The following CARMIL1 variants were observed in gnomAD, a reference collection of about 807,000 sequenced individuals.
CARMIL1 encodes F-actin-uncapping protein LRRC16A.
A neutral mutation model predicts 177.1 loss-of-function variants in CARMIL1; 90 were observed. That is an observed-to-expected ratio of 0.51 (90% confidence interval 0.43 to 0.61). CARMIL1 has a LOEUF of 0.61. Ranked by LOEUF, CARMIL1 falls within the 20% of genes least tolerant of loss-of-function variation. The pLI is 0.00. For missense variants in CARMIL1, 1,380 were observed against 1,667.0 expected (o/e 0.83, Z 3.00); for synonymous variants, 577 against 606.2 (o/e 0.95, Z 0.71).
chr6:25,322,193 G>A (rs1487027362), intron 2 of CARMIL1, among the ~76,000 whole-genome samples: 1 of 152,196 alleles, frequency 6.6e-6, no homozygotes, highest in Non-Finnish European at 1.5e-5. Flanking sequence ...CACTATCTCA[G>A]CTCACTGCAA....
chr6:25,442,083 A>G (rs1340399271), intron 5 of CARMIL1, among the ~76,000 whole-genome samples: 1 of 152,056 alleles, frequency 6.6e-6, no homozygotes, highest in Non-Finnish European at 1.5e-5. Context: ...GGCTTGCAGC[A>G]TTAAAGCATG....
chr6:25,389,904 T>C (rs958705920), intron 2 of CARMIL1, among the ~76,000 whole-genome samples: 2 of 152,226 alleles, frequency 1.3e-5, no homozygotes, highest in East Asian at 1.9e-4. Context: ...TGTTGAACTA[T>C]GTGCTAGGAA....
chr6:25,459,253 T>C (rs531957394), intron 8 of CARMIL1, among the ~76,000 whole-genome samples: 18 of 117,692 alleles, frequency 1.5e-4, no homozygotes, highest in South Asian at 3.0e-4. Context: ...TTTCTTTCTT[T>C]CTTTCTTTCT....
intron 8 of CARMIL1, among the ~76,000 whole-genome samples, chr6:25,451,614 T>C (rs1331416697): frequency 6.6e-6 from 1 of 152,204 alleles, no homozygotes; most frequent in East Asian, 1.9e-4. Context: ...TTTTTCCCCA[T>C]GTCTCTTAGC....
rs573807141 is a variant in CARMIL1 at position 25,314,011 on chromosome 6, T to TA, written c.138+29105dup. ...TCTTTGTAGTCAGTCTTTTTCTAATTAAAGTGGGTAAGACATTTGAATATA... is the reference window on the plus strand; with the variant it reads ...TCTTTGTAGTCAGTCTTTTTCTAATTAAAAGTGGGTAAGACATTTGAATATA... On this transcript the variant is annotated intron_variant, in intron 2 of 36. Coordinates refer to ENST00000329474, the MANE Select transcript of CARMIL1 (RefSeq NM_017640.6). Among the ~76,000 whole-genome samples, 39 of 151,466 alleles carry TA rather than the reference T, an allele frequency of 2.6e-4. No individual in the cohort carries two copies. In the East Asian group the frequency reaches 6.2e-3, roughly 24 times the overall value.
intron 22 of CARMIL1, among the ~76,000 whole-genome samples, chr6:25,520,042 A>T (rs910639081): frequency 3.3e-5 from 5 of 152,194 alleles, no homozygotes; most frequent in Admixed American, 3.3e-4. Context: ...AGGTAGTGTG[A>T]GTTGATGTGG....
chr6:25,564,336 C>G (rs1811377661), intron 29 of CARMIL1, among the ~76,000 whole-genome samples: 1 of 152,100 alleles, frequency 6.6e-6, no homozygotes, highest in South Asian at 2.1e-4. Context: ...TGGAGAGCCT[C>G]TTCTAAATAG....
intron 2 of CARMIL1, among the ~76,000 whole-genome samples, chr6:25,388,827 C>T (rs2150522158): frequency 6.6e-6 from 1 of 152,098 alleles, no homozygotes; most frequent in South Asian, 2.1e-4. Context: ...AGGCACAGAC[C>T]ACCACACCCA....
intron 2 of CARMIL1, among the ~76,000 whole-genome samples, chr6:25,376,141 C>CTCTCTGCA (rs1234083089): frequency 6.6e-6 from 1 of 152,160 alleles, no homozygotes; most frequent in Non-Finnish European, 1.5e-5. Context: ...AGTGCAATGG[C>CTCTCTGCA]ACGATCTTGG....
chr6:25,353,295 G>C (rs1226421587), intron 2 of CARMIL1, among the ~76,000 whole-genome samples: 4 of 152,234 alleles, frequency 2.6e-5, no homozygotes, highest in African/African-American at 9.6e-5. Context: ...TAGGAGAGAT[G>C]TGTTATTATC....
Position 25,472,628 on chromosome 6 carries a change from G to A in CARMIL1, c.874+107G>A. 2.3e-6 allele frequency: 2 copies of A among 873,190 alleles called. 1 individual carries two copies. The highest frequency in any genetic ancestry group is 3.3e-5 in the South Asian group (2 of 59,772). 54.1% of individuals were successfully genotyped at this position (873,190 alleles called of 1,614,324 possible). ...GTATCAAGCTAAGTTGTAATTATAA[G>A]TGCTGTTAATGGTCCTGTTGGCTTC... On this transcript the variant is annotated intron_variant, in intron 11 of 36. Coordinates refer to ENST00000329474, the MANE Select transcript of CARMIL1 (RefSeq NM_017640.6).
intron 2 of CARMIL1, among the ~76,000 whole-genome samples, chr6:25,392,054 ATGTGTG>A (rs36076582): frequency 0.22 from 30,412 of 138,852 alleles, 3,311 homozygotes; most frequent in Non-Finnish European, 0.25. Context: ...GTGTATATGC[ATGTGTG>A]TGTGTGTGTG....
chr6:25,556,216 TATTTA>T (rs1249435654), intron 28 of CARMIL1, among the ~76,000 whole-genome samples: 5 of 152,238 alleles, frequency 3.3e-5, no homozygotes, highest in Non-Finnish European at 5.9e-5. Context: ...TTCTACCTCT[TATTTA>T]ATTTTTTATG....
At chr6:25,481,041 A>G (rs913966904) in intron 11 of CARMIL1, among the ~76,000 whole-genome samples, 1 of 150,916 alleles carries the variant, frequency 6.6e-6, no homozygotes, top group African/African-American at 2.4e-5. Flanking sequence ...CTTTTAGATT[A>G]ATCAAGTTTT....
intron 3 of CARMIL1, chr6:25,420,526 T>G (rs1795759570): frequency 5.3e-6 from 1 of 188,670 alleles, no homozygotes. Context: ...GGGGCTTGAT[T>G]TCCACTTTAT....
chr6:25,595,862 G>A (rs1220891235), intron 32 of CARMIL1, among the ~76,000 whole-genome samples: 2 of 152,140 alleles, frequency 1.3e-5, no homozygotes, highest in Non-Finnish European at 2.9e-5. Context: ...CTACTCTTCA[G>A]GAGCGATACC....
At chr6:25,499,218 A>G (rs1186953576) in intron 16 of CARMIL1, among the ~76,000 whole-genome samples, 2 of 152,218 alleles carry the variant, frequency 1.3e-5, no homozygotes, top group African/African-American at 4.8e-5. Context: ...TTTCCTGGGA[A>G]CATGGAAAAC....
intron 2 of CARMIL1, among the ~76,000 whole-genome samples, chr6:25,394,322 G>T (rs2182932): frequency 0.14 from 20,777 of 152,192 alleles, 1,643 homozygotes; most frequent in East Asian, 0.32. Flanking sequence ...AACGCTAGAA[G>T]ACAAGTGCTA....
intron 9 of CARMIL1, among the ~76,000 whole-genome samples, chr6:25,467,455 T>G (rs560808177): frequency 6.6e-6 from 1 of 152,308 alleles, no homozygotes; most frequent in Admixed American, 6.5e-5. Context: ...CATAAGCTTG[T>G]GAATTTCAAA....
Sources: allele counts gnomAD v4.1 joint callset (sites outside exome capture counted in the v4.1 genomes callset), GRCh38; gene constraint gnomAD v4.1.1; transcripts MANE v1.5; gene names NCBI Gene and HGNC (gene_info 2026-07-23, HGNC 2026-07-21).